The following PIAS1 variants were observed in gnomAD, a reference collection of about 807,000 sequenced individuals.
PIAS1 encodes protein inhibitor of activated STAT 1, also known as E3 SUMO-protein ligase PIAS1.
PIAS1 carries 6 observed loss-of-function variants against 71.3 expected under a neutral mutation model. That is an observed-to-expected ratio of 0.08 (90% CI 0.05 to 0.17). PIAS1 has a LOEUF of 0.17. Among genes scored for constraint, PIAS1 ranks in the 10% least tolerant of loss-of-function variants. The probability of loss-of-function intolerance (pLI) is 1.00; values close to 1 mark genes in which losing one functional copy is unlikely to be tolerated. For missense variants in PIAS1, 555 were observed against 793.6 expected, an observed-to-expected ratio of 0.70 and a Z score of 3.61; for synonymous variants, 303 against 292.9, an observed-to-expected ratio of 1.03 and a Z score of -0.35.
At chr15:68,060,010 A>G (rs2091940479) in intron 1 of PIAS1, among the ~76,000 whole-genome samples, 1 of 152,176 alleles carries the variant, frequency 6.6e-6, no homozygotes, top group African/African-American at 2.4e-5. Context: ...ATGTTTCTGT[A>G]ATATGTGAGA....
chr15:68,144,093 T>G (rs774676745), intron 4 of PIAS1, among the ~76,000 whole-genome samples: 29 of 150,794 alleles, frequency 1.9e-4, no homozygotes, highest in Non-Finnish European at 3.5e-4. Flanking sequence ...ACTGCTATTT[T>G]AATTGAAATG....
In PIAS1 at chr15:68,136,387, G is replaced by A. The variant is rs1426059781; in HGVS notation, c.470-5559G>A. On this transcript the variant is annotated intron_variant, in intron 2 of 13. Transcript: ENST00000249636. Reference sequence around the variant, plus strand: ...GGCCGAGGCTGGCGGATCACTCGCGGTTAGGAGCTGGAGACCAGCCCGGCC... The same window carrying A: ...GGCCGAGGCTGGCGGATCACTCGCGATTAGGAGCTGGAGACCAGCCCGGCC... 8.8e-5 allele frequency among the ~76,000 whole-genome samples: 4 copies of A among 45,416 alleles called. 1 individual carries two copies. Among genetic ancestry groups the A allele is most frequent in the Non-Finnish European group, 3.3e-4 (4 of 12,144 alleles). The allele number at this position is 45,416 out of a possible 152,430, so 29.8% of individuals were successfully genotyped here. A position where few individuals can be genotyped will look rare whatever the true frequency, so the allele number is the denominator to read the frequency against.
rs150370531 is a variant in PIAS1 at position 68,074,065 on chromosome 15, C to T, written c.25-12241C>T. 1.1e-3 allele frequency among the ~76,000 whole-genome samples: 163 copies of T among 152,062 alleles called. 1 individual carries two copies. Among genetic ancestry groups the T allele is most frequent in the Middle Eastern group, 3.4e-3 (1 of 292 alleles). ...TTGGAGAGAGTTGATGTGTTAGATT[C>T]GAATATGTTGAGTTGATGACTCTTG... On this transcript the variant is annotated intron_variant, in intron 1 of 13. Coordinates refer to ENST00000249636, the MANE Select transcript of PIAS1 (RefSeq NM_016166.3).
chr15:68,112,760 T>C (rs1259566531), intron 2 of PIAS1, among the ~76,000 whole-genome samples: 2 of 152,200 alleles, frequency 1.3e-5, no homozygotes, highest in Non-Finnish European at 2.9e-5. Context: ...CAAATGAAAA[T>C]TGGTACATTT....
In PIAS1 at chr15:68,167,749, A is replaced by G. The variant is rs778567837; in HGVS notation, c.1008+2945A>G. On this transcript the variant is annotated intron_variant, in intron 8 of 13. Transcript: ENST00000249636. This position sits in a 1 kb window ranked among gnomAD's most constrained non-coding sequence, Gnocchi z 4.4. ...GAGACAGAGTTTTGCTCTGTCACCC[A>G]GGCTGGAGTACAGTGGCCAGATCTT... is the stretch of plus-strand genomic sequence containing the variant. Among the ~76,000 whole-genome samples, 1 of 152,192 alleles carries G rather than the reference A, an allele frequency of 6.6e-6. No individual in the cohort carries two copies. Among genetic ancestry groups the G allele is most frequent in the Non-Finnish European group, 1.5e-5 (1 of 68,030 alleles).
In PIAS1 at chr15:68,187,045, A is replaced by G. The variant is rs555760188; in HGVS notation, c.1663-497A>G. ...TGGAAAACTTAGAGTAATCATACCC[A>G]TTATCATTATGGCTTTAAAATTTAA... On this transcript the variant is annotated intron_variant, in intron 13 of 13. Coordinates refer to ENST00000249636, the MANE Select transcript of PIAS1 (RefSeq NM_016166.3). The surrounding 1 kb of genome is among the most constrained non-coding windows in gnomAD (Gnocchi z 5.3). 1.3e-5 allele frequency among the ~76,000 whole-genome samples: 2 copies of G among 152,384 alleles called. No individual in the cohort carries two copies. Among genetic ancestry groups the G allele is most frequent in the South Asian group, 4.1e-4 (2 of 4,830 alleles).
At chr15:68,101,750 A>G (rs1240511552) in intron 2 of PIAS1, among the ~76,000 whole-genome samples, 1 of 152,012 alleles carries the variant, frequency 6.6e-6, no homozygotes, top group African/African-American at 2.4e-5. Flanking sequence ...TAACAACCCC[A>G]CTTGCACACC....
intron 12 of PIAS1, among the ~76,000 whole-genome samples, chr15:68,183,062 G>A (rs145445929): frequency 6.6e-6 from 1 of 152,314 alleles, no homozygotes; most frequent in African/African-American, 2.4e-5. Flanking sequence ...CAGCCAGGTA[G>A]CAGAACTACT....
intron 1 of PIAS1, among the ~76,000 whole-genome samples, chr15:68,059,312 G>T (rs1197607275): frequency 2.0e-5 from 3 of 152,034 alleles, no homozygotes; most frequent in Non-Finnish European, 4.4e-5. Context: ...GCCAGGCCCA[G>T]ATTATTCTCC....
intron 2 of PIAS1, among the ~76,000 whole-genome samples, chr15:68,129,144 C>G (rs935343772): frequency 6.6e-6 from 1 of 152,082 alleles, no homozygotes; most frequent in Non-Finnish European, 1.5e-5. Flanking sequence ...TCACTGTAAC[C>G]TCGAACTACA....
rs1333683345 is a variant in PIAS1 at position 68,185,239 on chromosome 15, C to G, written c.1662+1572C>G. ...AGGCTATTGCTGCAACTGAAAAACA[C>G]CGAGAGGACACTGATGCAATTCTGG... is the stretch of plus-strand genomic sequence containing the variant. On this transcript the variant is annotated intron_variant, in intron 13 of 13. Transcript: ENST00000249636. This position sits in a 1 kb window ranked among gnomAD's most constrained non-coding sequence, Gnocchi z 4.4. 6.6e-6 allele frequency among the ~76,000 whole-genome samples: 1 copy of G among 152,030 alleles called. No individual in the cohort carries two copies. Among genetic ancestry groups the G allele is most frequent in the Non-Finnish European group, 1.5e-5 (1 of 68,004 alleles).
rs538520635 is a variant in PIAS1, at chr15:68,168,362, G to A, written c.1008+3558G>A. Reference sequence around the variant, plus strand: ...CTTTCCTTTTGCAAGGAAAAAGCACGTTTTATTGACATTTTTAGGGCTTTT... The same window carrying A: ...CTTTCCTTTTGCAAGGAAAAAGCACATTTTATTGACATTTTTAGGGCTTTT... On this transcript the variant is annotated intron_variant, in intron 8 of 13. Coordinates refer to ENST00000249636, the MANE Select transcript of PIAS1 (RefSeq NM_016166.3). 2.6e-5 allele frequency among the ~76,000 whole-genome samples: 4 copies of A among 152,136 alleles called. No homozygotes were observed. In the South Asian group the frequency reaches 6.2e-4, roughly 24 times the overall value.
intron 1 of PIAS1, among the ~76,000 whole-genome samples, chr15:68,057,983 AGCTGATTAACCTTG>A (rs2091914716): frequency 6.6e-6 from 1 of 152,202 alleles, no homozygotes; most frequent in Non-Finnish European, 1.5e-5. Flanking sequence ...GCGAGTCCAT[AGCTGATTAACCTTG>A]GGTGTCTCCT....
intron 2 of PIAS1, among the ~76,000 whole-genome samples, chr15:68,099,130 TTTGTTGTTGTTG>T (rs368373360): frequency 6.6e-6 from 1 of 151,858 alleles, no homozygotes; most frequent in Non-Finnish European, 1.5e-5. Context: ...GAGGGTGAAG[TTTGTTGTTGTTG>T]TTGTTGTTGT....
intron 4 of PIAS1, among the ~76,000 whole-genome samples, chr15:68,143,733 C>T (rs1044332925): frequency 6.6e-6 from 1 of 152,030 alleles, no homozygotes; most frequent in African/African-American, 2.4e-5. Flanking sequence ...TCCTTTAAAT[C>T]AGTGGTTTTC....
intron 1 of PIAS1, among the ~76,000 whole-genome samples, chr15:68,081,813 TGGAA>T (rs893939335): frequency 2.6e-5 from 4 of 151,502 alleles, no homozygotes; most frequent in African/African-American, 9.7e-5. Context: ...CACAAAGACA[TGGAA>T]GGAAGATTAT....
At chr15:68,123,274 A>G (rs1349986021) in intron 2 of PIAS1, among the ~76,000 whole-genome samples, 1 of 151,976 alleles carries the variant, frequency 6.6e-6, no homozygotes, top group Non-Finnish European at 1.5e-5. Flanking sequence ...CTGGTCTCAA[A>G]CTCCTGGCGT....
chr15:68,183,549 A>G, intron 12 of PIAS1, 81 bp from the exon 13 acceptor site: 1 of 642,126 alleles, frequency 1.6e-6, no homozygotes, highest in Non-Finnish European at 2.8e-6. Context: ...TAAGACTTGT[A>G]TTTGTTTTTG....
intron 12 of PIAS1, among the ~76,000 whole-genome samples, chr15:68,182,803 A>G (rs1009169608): frequency 6.6e-6 from 1 of 152,190 alleles, no homozygotes; most frequent in Non-Finnish European, 1.5e-5. Context: ...ATCAAGAACA[A>G]CAGTGCTATG....
Sources: allele counts gnomAD v4.1 joint callset (sites outside exome capture counted in the v4.1 genomes callset), GRCh38; gene constraint gnomAD v4.1.1; non-coding constraint Gnocchi (gnomAD v3.1); transcripts MANE v1.5; gene names NCBI Gene and HGNC (gene_info 2026-07-23, HGNC 2026-07-21).